TACC2: variants seen among roughly 807,000 people sequenced by gnomAD.
TACC2 encodes the protein transforming acidic coiled-coil-containing protein 2.
A neutral mutation model predicts 227.3 loss-of-function variants in TACC2; 137 were observed. The ratio of observed to expected loss-of-function variants is 0.60; its 90% confidence interval spans 0.52 to 0.69. The LOEUF (loss-of-function observed/expected upper bound fraction) is 0.69. TACC2 is among the 30% of genes least tolerant of loss of function. The probability of loss-of-function intolerance (pLI) is 0.00; values close to 1 mark genes in which losing one functional copy is unlikely to be tolerated. For synonymous variants in TACC2, 1,523 were observed against 1,487.5 expected, an observed-to-expected ratio of 1.02 and a Z score of -0.55; for missense variants, 3,470 against 3,694.4, an observed-to-expected ratio of 0.94 and a Z score of 1.57.
intron 1 of TACC2, among the ~76,000 whole-genome samples, chr10:121,990,400 G>A (rs1346089479): frequency 1.3e-5 from 2 of 152,126 alleles, no homozygotes; most frequent in Non-Finnish European, 2.9e-5. Flanking sequence ...TTATAGGTAT[G>A]AGCCACCAAA....
chr10:122,166,045 A>T (rs1048854542), intron 7 of TACC2, among the ~76,000 whole-genome samples: 3 of 152,254 alleles, frequency 2.0e-5, no homozygotes, highest in African/African-American at 7.2e-5. Context: ...AATACACAAG[A>T]CAGCAACAGA....
intron 12 of TACC2, 97 bp downstream of exon 12, chr10:122,224,884 A>T (rs574566385): frequency 1.0e-6 from 1 of 996,706 alleles, no homozygotes; most frequent in Admixed American, 2.0e-5. Context: ...TCAGACCCCA[A>T]ATCGAGTGTT....
At chr10:122,215,279 G>T in intron 9 of TACC2, 112 bp from the exon 10 acceptor site, 1 of 907,546 alleles carries the variant, frequency 1.1e-6, no homozygotes, top group Non-Finnish European at 1.8e-6. Flanking sequence ...AGGTGGGAGG[G>T]TGGCCTGGGC....
intron 1 of TACC2, among the ~76,000 whole-genome samples, chr10:122,021,088 G>A (rs1466937796): frequency 6.6e-6 from 1 of 152,120 alleles, no homozygotes; most frequent in Non-Finnish European, 1.5e-5. Flanking sequence ...AAATTAGCCA[G>A]GTGTGGTGGC....
At chr10:121,994,034 G>A (rs1016919421) in intron 1 of TACC2, among the ~76,000 whole-genome samples, 48 of 152,062 alleles carry the variant, frequency 3.2e-4, no homozygotes, top group African/African-American at 1.0e-3. Context: ...TTCAGTGACG[G>A]TATATAAAGA....
At chr10:122,088,820 C>T in intron 5 of TACC2, 1 of 1,407,756 alleles carries the variant, frequency 7.1e-7, no homozygotes, top group Non-Finnish European at 9.5e-7. Context: ...GAGTTTATTA[C>T]CTTAAATTTA....
intron 5 of TACC2, among the ~76,000 whole-genome samples, chr10:122,107,303 G>C (rs2082923317): frequency 6.6e-6 from 1 of 152,104 alleles, no homozygotes; most frequent in Non-Finnish European, 1.5e-5. Flanking sequence ...GGGAGGCCGA[G>C]GCGCGTGGAT....
intron 5 of TACC2, among the ~76,000 whole-genome samples, chr10:122,130,414 G>A (rs1486149262): frequency 6.6e-6 from 1 of 151,996 alleles, no homozygotes; most frequent in East Asian, 1.9e-4. Flanking sequence ...TGGGGGGTAG[G>A]GCTGAGGGTC....
In TACC2 at chr10:121,990,833, G is replaced by A. The variant is rs376963817; in HGVS notation, c.-46+1345G>A. Among the ~76,000 whole-genome samples the A allele has an allele frequency of 4.7e-4, 72 of 152,258 alleles. No homozygotes were observed. The South Asian group carries it at 0.014, about 30-fold the overall frequency. On this transcript the variant is annotated intron_variant, in intron 1 of 22. Coordinates refer to ENST00000369005, the MANE Select transcript of TACC2 (RefSeq NM_206862.4). ...GACAGGGACTCGCTGTGTTACCCAG[G>A]CTGGAGTGTAGTGTTGCCTTCTCGG...
At chr10:122,212,442 C>T (rs1383488646) in intron 9 of TACC2, among the ~76,000 whole-genome samples, 1 of 152,204 alleles carries the variant, frequency 6.6e-6, no homozygotes, top group Non-Finnish European at 1.5e-5. Context: ...AAATATCAAA[C>T]ACCCATGCCT....
intron 5 of TACC2, among the ~76,000 whole-genome samples, chr10:122,114,377 T>C (rs1032518444): frequency 2.0e-5 from 3 of 152,246 alleles, no homozygotes; most frequent in Non-Finnish European, 4.4e-5. Context: ...ACGTGCAGAT[T>C]AACAGTTGAA....
intron 6 of TACC2, among the ~76,000 whole-genome samples, chr10:122,136,599 C>T (rs1435234685): frequency 6.6e-6 from 1 of 151,172 alleles, no homozygotes; most frequent in East Asian, 1.9e-4. Context: ...GTCGCCCAGG[C>T]TGGAGTGCAG....
At chr10:122,022,544 C>T (rs1319290419) in intron 2 of TACC2, 1 of 152,584 alleles carries the variant, frequency 6.6e-6, no homozygotes. Flanking sequence ...GCCACCATTA[C>T]AGGCATGAGC....
intron 6 of TACC2, among the ~76,000 whole-genome samples, chr10:122,137,636 G>A (rs1050194227): frequency 4.6e-5 from 7 of 152,160 alleles, no homozygotes; most frequent in Non-Finnish European, 8.8e-5. Context: ...CCACCCACAC[G>A]GCTGAAAAAT....
At chr10:122,042,804 C>T (rs1010969548) in intron 2 of TACC2, among the ~76,000 whole-genome samples, 2 of 152,172 alleles carry the variant, frequency 1.3e-5, no homozygotes, top group African/African-American at 4.8e-5. Context: ...CAATTGTACT[C>T]AGCTTCCTGC....
At position 122,141,498 on chromosome 10, in the gene TACC2, G is replaced by C. The variant is rs2090540849; in HGVS notation, c.5700-2074G>C. ...AGGTGGCCCCTCAGGAACAGGAGCA[G>C]CTGTGGGTGTTAAGGGCAGGCGGGG... On this transcript the variant is annotated intron_variant, in intron 6 of 22. Coordinates refer to ENST00000369005, the MANE Select transcript of TACC2 (RefSeq NM_206862.4). This position sits in a 1 kb window ranked among gnomAD's most constrained non-coding sequence, Gnocchi z 4.3. 6.6e-6 allele frequency among the ~76,000 whole-genome samples: 1 copy of C among 152,164 alleles called. No individual in the cohort carries two copies.
rs111507894 is a variant in TACC2 at position 122,241,955 on chromosome 10, T to C, written c.8349-3T>C. On this transcript the variant is annotated splice_polypyrimidine_tract_variant and splice_region_variant and intron_variant, in intron 18 of 22. Coordinates refer to ENST00000369005, the MANE Select transcript of TACC2 (RefSeq NM_206862.4). ...CTCCAACGTGTCTTTACTTCTCTTA[T>C]AGGAAAATAGTGGCCGAGTATGAGA... 3.7e-6 allele frequency: 6 copies of C among 1,614,100 alleles called. No individual in the cohort carries two copies. The highest frequency in any genetic ancestry group is 2.2e-5 in the East Asian group (1 of 44,878).
At chr10:122,163,890 C>T (rs1267323970) in intron 7 of TACC2, 5 of 1,547,788 alleles carry the variant, frequency 3.2e-6, no homozygotes, top group African/African-American at 2.7e-5. Flanking sequence ...GCTGGCCCCG[C>T]TCGCGGCTAG....
chr10:122,211,840 C>A, intron 9 of TACC2, 132 bp downstream of exon 9: 3 of 695,360 alleles, frequency 4.3e-6, no homozygotes, highest in Non-Finnish European at 4.5e-6. Context: ...GCCACGCTTA[C>A]GGCCGTTGCA....
Sources: gnomAD v4.1 joint callset for allele counts (sites outside exome capture counted in the v4.1 genomes callset) on GRCh38, gnomAD v4.1.1 for gene constraint, Gnocchi (gnomAD v3.1) non-coding constraint, MANE v1.5 for transcripts, NCBI Gene and HGNC (gene_info 2026-07-23, HGNC 2026-07-21) for gene names.